CDIN1: variants seen among roughly 807,000 people sequenced by gnomAD.
CDIN1 encodes the protein CDAN1-interacting nuclease 1.
In CDIN1, 33 loss-of-function variants were observed where a neutral mutation model predicts 45.3. The observed-to-expected ratio is 0.73, with a 90% CI of 0.55 to 0.97. The LOEUF (loss-of-function observed/expected upper bound fraction) is 0.97. Ranked by LOEUF, CDIN1 falls within the 50% of genes least tolerant of loss-of-function variation. The probability of loss-of-function intolerance (pLI) is 0.00; values close to 1 mark genes in which losing one functional copy is unlikely to be tolerated. For synonymous variants in CDIN1, 118 were observed against 124.4 expected (o/e 0.95, Z 0.34); for missense variants, 303 against 339.4 (o/e 0.89, Z 0.84).
At chr15:36,711,310 T>C (rs1326030148) in intron 10 of CDIN1, among the ~76,000 whole-genome samples, 1 of 152,174 alleles carries the variant, frequency 6.6e-6, no homozygotes, top group Admixed American at 6.6e-5. Flanking sequence ...TTTCCCCAGC[T>C]TTGGTACCAG....
chr15:36,702,831 G>A (rs752175470), intron 8 of CDIN1, among the ~76,000 whole-genome samples: 2 of 151,988 alleles, frequency 1.3e-5, no homozygotes, highest in Non-Finnish European at 2.9e-5. Context: ...ATGATTGCTG[G>A]TGATTGCCAG....
At chr15:36,692,915 A>G (rs2042304386) in intron 7 of CDIN1, among the ~76,000 whole-genome samples, 2 of 152,212 alleles carry the variant, frequency 1.3e-5, no homozygotes, top group Admixed American at 6.5e-5. Context: ...GATAATCCTC[A>G]AAGGTGCTAT....
At chr15:36,657,613 A>G (rs900755785) in intron 4 of CDIN1, among the ~76,000 whole-genome samples, 5 of 152,118 alleles carry the variant, frequency 3.3e-5, no homozygotes, top group South Asian at 2.1e-4. Flanking sequence ...CTCCAATGTT[A>G]TATTCAATAA....
chr15:36,656,542 T>C (rs1045687339), intron 4 of CDIN1, among the ~76,000 whole-genome samples: 1 of 152,158 alleles, frequency 6.6e-6, no homozygotes, highest in Admixed American at 6.5e-5. Flanking sequence ...CTATGCATTT[T>C]ATTTACATGC....
At chr15:36,695,626 C>G (rs1229696448) in intron 7 of CDIN1, among the ~76,000 whole-genome samples, 2 of 152,080 alleles carry the variant, frequency 1.3e-5, no homozygotes, top group Non-Finnish European at 2.9e-5. Context: ...ATGGGCAGAT[C>G]ACTTGAAGTT....
intron 1 of CDIN1, among the ~76,000 whole-genome samples, chr15:36,639,351 A>T (rs1234478673): frequency 7.5e-6 from 1 of 133,566 alleles, no homozygotes; most frequent in Non-Finnish European, 1.6e-5. Flanking sequence ...CACGCCTGCA[A>T]TCCCGGCATT....
intron 10 of CDIN1, among the ~76,000 whole-genome samples, chr15:36,745,389 G>A (rs955409112): frequency 6.6e-6 from 1 of 151,860 alleles, no homozygotes; most frequent in African/African-American, 2.4e-5. Flanking sequence ...TTCAACTTTG[G>A]TATATATTAC....
At chr15:36,672,991 CA>C (rs1255941232) in intron 5 of CDIN1, among the ~76,000 whole-genome samples, 3 of 152,154 alleles carry the variant, frequency 2.0e-5, no homozygotes, top group East Asian at 3.9e-4. Flanking sequence ...GTTTAATGAT[CA>C]GACGAAAAGG....
At chr15:36,610,893 G>A (rs377592374) in intron 1 of CDIN1, among the ~76,000 whole-genome samples, 2 of 152,146 alleles carry the variant, frequency 1.3e-5, no homozygotes, top group African/African-American at 4.8e-5. Context: ...GAAGAGTAAT[G>A]GTTTTGTGCT....
intron 1 of CDIN1, among the ~76,000 whole-genome samples, chr15:36,589,899 C>T (rs1300584324): frequency 6.6e-6 from 1 of 152,296 alleles, no homozygotes. Flanking sequence ...CAATCTGTGA[C>T]CCACGTATGA....
At chr15:36,766,873 G>C (rs1036843729) in intron 10 of CDIN1, among the ~76,000 whole-genome samples, 2 of 152,126 alleles carry the variant, frequency 1.3e-5, no homozygotes, top group African/African-American at 4.8e-5. Flanking sequence ...TCTGAAGGTT[G>C]CCTTTTCATT....
chr15:36,662,082 A>G (rs1012518726), intron 5 of CDIN1, among the ~76,000 whole-genome samples: 11 of 152,160 alleles, frequency 7.2e-5, no homozygotes, highest in African/African-American at 2.2e-4. Flanking sequence ...AAATACCTCA[A>G]TCCTCATTAT....
At chr15:36,606,338 G>T (rs973581988) in intron 1 of CDIN1, among the ~76,000 whole-genome samples, 2 of 152,070 alleles carry the variant, frequency 1.3e-5, no homozygotes, top group African/African-American at 4.8e-5. Flanking sequence ...CTGAAAGTCC[G>T]ACTTCTACAT....
chr15:36,655,398 C>T (rs897452830), intron 4 of CDIN1, among the ~76,000 whole-genome samples: 2 of 150,616 alleles, frequency 1.3e-5, no homozygotes, highest in African/African-American at 2.4e-5. Flanking sequence ...GTGATCTTAG[C>T]TCATTGCAAC....
chr15:36,738,986 T>C (rs2044133513), intron 10 of CDIN1, among the ~76,000 whole-genome samples: 1 of 152,244 alleles, frequency 6.6e-6, no homozygotes, highest in African/African-American at 2.4e-5. Context: ...CACAAACTGC[T>C]AATGTTACAA....
At chr15:36,736,738 C>T (rs1438480303) in intron 10 of CDIN1, among the ~76,000 whole-genome samples, 2 of 152,174 alleles carry the variant, frequency 1.3e-5, no homozygotes, top group African/African-American at 4.8e-5. Flanking sequence ...AGTCAGGCCT[C>T]TTGTCTTGAA....
chr15:36,625,637 T>G (rs2039391975), intron 1 of CDIN1, among the ~76,000 whole-genome samples: 1 of 152,246 alleles, frequency 6.6e-6, no homozygotes, highest in African/African-American at 2.4e-5. Flanking sequence ...TTGTTTTCTG[T>G]GGAAGTTTTT....
chr15:36,723,125 G>A (rs935292060), intron 10 of CDIN1, among the ~76,000 whole-genome samples: 4 of 152,058 alleles, frequency 2.6e-5, no homozygotes, highest in Non-Finnish European at 5.9e-5. Context: ...ACACAGGATT[G>A]TACTAGCAAA....
At chr15:36,763,640 G>A (rs1034570792) in intron 10 of CDIN1, among the ~76,000 whole-genome samples, 7 of 152,122 alleles carry the variant, frequency 4.6e-5, no homozygotes, top group African/African-American at 7.2e-5. Flanking sequence ...CACCCATAAC[G>A]TCTCTTTGGG....
Sources: allele counts gnomAD v4.1 joint callset (sites outside exome capture counted in the v4.1 genomes callset), GRCh38; gene constraint gnomAD v4.1.1; transcripts MANE v1.5; gene names NCBI Gene and HGNC (gene_info 2026-07-23, HGNC 2026-07-21).